Variants in NEDD4 observed in about 807,000 individuals in gnomAD.
The protein encoded by NEDD4 is NEDD4 E3 ubiquitin protein ligase.
NEDD4 carries 99 observed loss-of-function variants against 144.9 expected under a neutral mutation model. That is an observed-to-expected ratio of 0.68 (90% CI 0.58 to 0.81). The LOEUF (loss-of-function observed/expected upper bound fraction) is 0.81, where lower values mean the gene tolerates loss of function less well. Ranked by LOEUF, NEDD4 falls within the 30% of genes least tolerant of loss-of-function variation. The pLI is 0.00. For missense variants in NEDD4, 985 were observed against 1,065.9 expected (o/e 0.92, Z 1.06); for synonymous variants, 318 against 350.6 (o/e 0.91, Z 1.04).
chr15:55,932,172 A>C (rs1239264078), intron 4 of NEDD4, among the ~76,000 whole-genome samples: 1 of 152,170 alleles, frequency 6.6e-6, no homozygotes, highest in Non-Finnish European at 1.5e-5. Flanking sequence ...ATAGTGAGTG[A>C]GTTGTAATAA....
intron 4 of NEDD4, among the ~76,000 whole-genome samples, chr15:55,938,558 G>T (rs963890348): frequency 6.6e-6 from 1 of 152,068 alleles, no homozygotes. Context: ...CAATGACAAT[G>T]ATTTTTTGGG....
intron 5 of NEDD4, among the ~76,000 whole-genome samples, chr15:55,879,969 C>T (rs1430697092): frequency 6.6e-6 from 1 of 152,066 alleles, no homozygotes; most frequent in Non-Finnish European, 1.5e-5. Context: ...AGTAACTTTG[C>T]TTGAACTCAA....
chr15:55,967,544 T>A (rs1052142472), intron 1 of NEDD4, among the ~76,000 whole-genome samples: 1 of 151,988 alleles, frequency 6.6e-6, no homozygotes, highest in Non-Finnish European at 1.5e-5. Flanking sequence ...TTCTTGGGTA[T>A]ACAGGTGTAC....
At chr15:55,921,340 G>A (rs1377709016) in intron 5 of NEDD4, among the ~76,000 whole-genome samples, 4 of 144,678 alleles carry the variant, frequency 2.8e-5, no homozygotes, top group East Asian at 2.0e-4. Context: ...TTTTTTTTTC[G>A]CCGAGACGGA....
intron 5 of NEDD4, among the ~76,000 whole-genome samples, chr15:55,909,376 A>G (rs1430365723): frequency 6.6e-6 from 1 of 152,158 alleles, no homozygotes; most frequent in Non-Finnish European, 1.5e-5. Flanking sequence ...ATCTCATTGA[A>G]CTGGGACAGA....
chr15:55,944,833 G>A (rs2037079299), intron 4 of NEDD4, among the ~76,000 whole-genome samples: 1 of 152,188 alleles, frequency 6.6e-6, no homozygotes, highest in Admixed American at 6.5e-5. Context: ...AATATTTGCT[G>A]TTCTGCAGCC....
intron 23 of NEDD4, 86 bp downstream of exon 23, chr15:55,838,021 G>C: frequency 2.1e-6 from 2 of 963,204 alleles, no homozygotes; most frequent in Non-Finnish European, 3.2e-6. Context: ...TCTGGACAAG[G>C]GGACAGAGAA....
At chr15:55,930,835 T>C (rs1309326472) in intron 4 of NEDD4, among the ~76,000 whole-genome samples, 1 of 152,198 alleles carries the variant, frequency 6.6e-6, no homozygotes, top group East Asian at 1.9e-4. Context: ...TTGCTTCTCC[T>C]TTGCCTTCCG....
intron 5 of NEDD4, among the ~76,000 whole-genome samples, chr15:55,900,912 T>G (rs2035896031): frequency 6.6e-6 from 1 of 152,182 alleles, no homozygotes; most frequent in Admixed American, 6.5e-5. Context: ...GAAGATGAAC[T>G]GATTCCTAAA....
chr15:55,860,719 G>A lies in NEDD4; in HGVS notation c.734C>T (p.Thr245Ile). Residue 245 changes from threonine to isoleucine, a missense_variant, in exon 10 of 29, where the codon ACC becomes ATC. By Grantham distance (89) the Thr-to-Ile change is moderately conservative. Coordinates refer to ENST00000435532, the MANE Select transcript of NEDD4 (RefSeq NM_006154.4). Reference protein sequence around the residue: ...NIQLQAQRAFTTRRQISEETE... With the variant: ...NIQLQAQRAFITRRQISEETE... ...TTCCTCGGATATCTGCCGCCTGGTGGTAAATGCACGTTGTGCTTGCAGTTG... is the reference window on the plus strand; with the variant it reads ...TTCCTCGGATATCTGCCGCCTGGTGATAAATGCACGTTGTGCTTGCAGTTG... The A allele has an allele frequency of 6.2e-7, 1 of 1,614,148 alleles. No homozygotes were observed. Among genetic ancestry groups the A allele is most frequent in the Non-Finnish European group, 8.5e-7 (1 of 1,180,018 alleles).
chr15:55,897,232 C>G (rs1226996292), intron 5 of NEDD4, among the ~76,000 whole-genome samples: 2 of 152,178 alleles, frequency 1.3e-5, no homozygotes, highest in Non-Finnish European at 2.9e-5. Context: ...CTCGGCCTCC[C>G]AAAGTGCTGG....
rs1555404567 is a variant in NEDD4 at position 55,923,659 on chromosome 15, A to AATATATAT, written c.291+979_291+986dup. Among the ~76,000 whole-genome samples the AATATATAT allele has an allele frequency of 1.1e-4, 15 of 135,282 alleles. No individual in the cohort carries two copies. The South Asian group carries it at 1.7e-3, about 15-fold the overall frequency. The allele number at this position is 135,282 out of a possible 152,430, so 88.8% of individuals were successfully genotyped here. A position where few individuals can be genotyped will look rare whatever the true frequency, so the allele number is the denominator to read the frequency against. ...AGACTCCATCTCAAAAAAAAAAAAA[A>AATATATAT]ATATATATATATATAGCAAGTCAGT... On this transcript the variant is annotated intron_variant, in intron 5 of 28. Transcript: ENST00000435532.
chr15:55,841,771 C>G (rs1334283866), intron 19 of NEDD4, among the ~76,000 whole-genome samples, 163 bp downstream of exon 19: 1 of 152,128 alleles, frequency 6.6e-6, no homozygotes, highest in African/African-American at 2.4e-5. Flanking sequence ...CGGGGTTTCA[C>G]CGTGTTAGCT....
At chr15:55,958,232 A>G (rs2037370362) in intron 2 of NEDD4, among the ~76,000 whole-genome samples, 1 of 152,320 alleles carries the variant, frequency 6.6e-6, no homozygotes, top group African/African-American at 2.4e-5. Flanking sequence ...AGGTTTTATC[A>G]TGACTGGGTG....
chr15:55,919,818 C>A lies in NEDD4; in HGVS notation c.291+4828G>T, dbSNP rs574655858. Among the ~76,000 whole-genome samples, 12 of 152,244 alleles carry A rather than the reference C, an allele frequency of 7.9e-5. 1 individual carries two copies. The highest frequency in any genetic ancestry group is 2.9e-4 in the African/African-American group (12 of 41,548). ...TGATTATCTACATGGTATGGATAGG[C>A]TCTGGGTAATCTTAATCATTGACTG... On this transcript the variant is annotated intron_variant, in intron 5 of 28. Transcript: ENST00000435532.
chr15:55,891,954 A>T (rs1373925011), intron 5 of NEDD4, among the ~76,000 whole-genome samples: 5 of 152,102 alleles, frequency 3.3e-5, no homozygotes, highest in African/African-American at 9.7e-5. Context: ...ACTTTGCTTT[A>T]AAAAGAGTTT....
chr15:55,959,259 A>T (rs894351382), intron 2 of NEDD4, among the ~76,000 whole-genome samples: 4 of 152,278 alleles, frequency 2.6e-5, no homozygotes, highest in African/African-American at 9.6e-5. Flanking sequence ...TCTTTGACAT[A>T]TAGATTATTT....
rs2034611607 is a variant in NEDD4 at position 55,867,093 on chromosome 15, A to T, written c.507+2486T>A. On this transcript the variant is annotated intron_variant, in intron 8 of 28. Coordinates refer to ENST00000435532, the MANE Select transcript of NEDD4 (RefSeq NM_006154.4). Reference sequence around the variant, plus strand: ...ATGGTACAAAAATCAAATGTTACATAATTATCTATTATAGCCATACTTTAC... The same window carrying T: ...ATGGTACAAAAATCAAATGTTACATTATTATCTATTATAGCCATACTTTAC... Among the ~76,000 whole-genome samples, 3 of 152,208 alleles carry T rather than the reference A, an allele frequency of 2.0e-5. No homozygotes were observed. In the South Asian group the frequency reaches 6.2e-4, roughly 31 times the overall value.
At chr15:55,923,645 CAAAA>C (rs767874914) in intron 5 of NEDD4, among the ~76,000 whole-genome samples, 2 of 123,320 alleles carry the variant, frequency 1.6e-5, no homozygotes. Flanking sequence ...GACTCCATCT[CAAAA>C]AAAAAAAAAA....
Sources: gnomAD v4.1 joint callset for allele counts (sites outside exome capture counted in the v4.1 genomes callset) on GRCh38, gnomAD v4.1.1 for gene constraint, MANE v1.5 for transcripts, NCBI Gene and HGNC (gene_info 2026-07-23, HGNC 2026-07-21) for gene names.